DPP10: variants seen among roughly 807,000 people sequenced by gnomAD.
The protein encoded by DPP10 is inactive dipeptidyl peptidase 10.
DPP10 carries 33 observed loss-of-function variants against 120.9 expected under a neutral mutation model. The ratio of observed to expected loss-of-function variants is 0.27; its 90% CI spans 0.21 to 0.37. DPP10 has a LOEUF of 0.37. DPP10 is among the 10% of genes least tolerant of loss of function. DPP10 has a pLI of 1.00. For missense variants in DPP10, 816 were observed against 942.8 expected, an observed-to-expected ratio of 0.87 and a Z score of 1.76; for synonymous variants, 337 against 326.1, an observed-to-expected ratio of 1.03 and a Z score of -0.36.
At chr2:114,881,410 C>A (rs1227154330) in intron 1 of DPP10, among the ~76,000 whole-genome samples, 1 of 152,100 alleles carries the variant, frequency 6.6e-6, no homozygotes, top group African/African-American at 2.4e-5. Context: ...ACCTTATCTA[C>A]CATTTACCTA....
intron 13 of DPP10, among the ~76,000 whole-genome samples, chr2:115,771,091 T>C (rs1180972781): frequency 6.8e-6 from 1 of 147,798 alleles, no homozygotes; most frequent in Non-Finnish European, 1.5e-5. Flanking sequence ...TATTTATTTT[T>C]TGAGACAGAG....
chr2:115,280,730 G>A (rs1202985398), intron 1 of DPP10, among the ~76,000 whole-genome samples: 2 of 152,142 alleles, frequency 1.3e-5, no homozygotes, highest in Non-Finnish European at 2.9e-5. Context: ...TCTATTACAA[G>A]CTATTCTGCT....
intron 1 of DPP10, among the ~76,000 whole-genome samples, chr2:114,903,418 C>T (rs555554026): frequency 3.3e-5 from 5 of 152,204 alleles, no homozygotes; most frequent in Non-Finnish European, 5.9e-5. Flanking sequence ...TAAGAGAGCT[C>T]GTGTTGCTCT....
At chr2:115,028,937 C>G (rs62164487) in intron 1 of DPP10, among the ~76,000 whole-genome samples, 10,539 of 151,988 alleles carry the variant, frequency 0.069, 540 homozygotes, top group Non-Finnish European at 0.093. Flanking sequence ...CACTTTCAGT[C>G]TGTGTGTGTG....
intron 1 of DPP10, among the ~76,000 whole-genome samples, chr2:115,170,490 T>G (rs943044991): frequency 6.6e-6 from 1 of 152,158 alleles, no homozygotes; most frequent in African/African-American, 2.4e-5. Flanking sequence ...TCTGGCAAAA[T>G]TAGTCTATAA....
chr2:114,543,181 G>C (rs185254007), intron 1 of DPP10, among the ~76,000 whole-genome samples: 37 of 152,180 alleles, frequency 2.4e-4, no homozygotes, highest in Non-Finnish European at 4.9e-4. Flanking sequence ...TCATTGTCTT[G>C]GTATCATTAT....
intron 1 of DPP10, among the ~76,000 whole-genome samples, chr2:115,270,706 A>G (rs2059662513): frequency 6.6e-6 from 1 of 152,196 alleles, no homozygotes; most frequent in African/African-American, 2.4e-5. Flanking sequence ...GGCAGCAACT[A>G]TGTGAAACAC....
At chr2:115,021,705 C>CA (rs966625390) in intron 1 of DPP10, among the ~76,000 whole-genome samples, 5 of 151,606 alleles carry the variant, frequency 3.3e-5, no homozygotes, top group African/African-American at 1.2e-4. Context: ...AAGGATGTAA[C>CA]AAAAAAAGAA....
chr2:115,100,014 A>C (rs2048600530), intron 1 of DPP10, among the ~76,000 whole-genome samples: 1 of 152,204 alleles, frequency 6.6e-6, no homozygotes, highest in Non-Finnish European at 1.5e-5. Context: ...AGGCAAATCT[A>C]TTCTTGGTTA....
chr2:114,726,459 G>T (rs1702058136), intron 1 of DPP10, among the ~76,000 whole-genome samples: 1 of 152,116 alleles, frequency 6.6e-6, no homozygotes, highest in African/African-American at 2.4e-5. Flanking sequence ...TTTTGTAGAA[G>T]AAATCCAGGT....
chr2:114,673,166 T>C (rs1363341915), intron 1 of DPP10, among the ~76,000 whole-genome samples: 1 of 152,182 alleles, frequency 6.6e-6, no homozygotes, highest in Non-Finnish European at 1.5e-5. Flanking sequence ...AGTTCCTGTG[T>C]CTGTCAACAC....
chr2:114,486,777 AAAT>A (rs1247168654), intron 1 of DPP10, among the ~76,000 whole-genome samples: 6 of 152,146 alleles, frequency 3.9e-5, no homozygotes, highest in African/African-American at 9.6e-5. Context: ...TGTTTTCCAA[AAAT>A]AATGATGATG....
At chr2:115,019,623 C>T (rs1339985971) in intron 1 of DPP10, among the ~76,000 whole-genome samples, 1 of 152,180 alleles carries the variant, frequency 6.6e-6, no homozygotes, top group Non-Finnish European at 1.5e-5. Flanking sequence ...CTTTCCCAGC[C>T]TTGATAGAGA....
chr2:115,563,935 A>C (rs2149061277), intron 5 of DPP10, among the ~76,000 whole-genome samples: 1 of 152,344 alleles, frequency 6.6e-6, no homozygotes, highest in South Asian at 2.1e-4. Context: ...TAAATGCCTA[A>C]GATTGACATG....
At position 115,814,957 on chromosome 2, in the gene DPP10, T is replaced by C. The variant is rs147663487; in HGVS notation, c.1865T>C (p.Val622Ala). Residue 622 changes from valine (V) to alanine (A), a missense_variant, in exon 20 of 26, where the codon GTA becomes GCA. Transcript: ENST00000410059. ...LQEIHRRLGS[V>A]EVKDQITAVK... ...GAGATTCATCGAAGATTAGGTTCAG[T>C]AGAAGTAAAGGACCAAATAACAGCT... 15 of 1,610,870 alleles carry C rather than the reference T, an allele frequency of 9.3e-6. 1 individual carries two copies. In the African/African-American group the frequency reaches 1.7e-4, roughly 19 times the overall value.
At position 115,230,865 on chromosome 2, in the gene DPP10, T is replaced by A. The variant is rs1043426726; in HGVS notation, c.61-78374T>A. On this transcript the variant is annotated intron_variant, in intron 1 of 25. Coordinates refer to ENST00000410059, the MANE Select transcript of DPP10 (RefSeq NM_020868.6). ...ACAAATTTTTTCAGTCTCTAATATC[T>A]GCAATATCAATCTCAAAGATTGAGA... Among the ~76,000 whole-genome samples, 8 of 152,000 alleles carry A rather than the reference T, an allele frequency of 5.3e-5. No individual in the cohort carries two copies. The East Asian group carries it at 1.4e-3, about 26-fold the overall frequency.
intron 1 of DPP10, among the ~76,000 whole-genome samples, chr2:115,100,603 G>C (rs1311913013): frequency 6.6e-6 from 1 of 151,766 alleles, no homozygotes; most frequent in Admixed American, 6.6e-5. Context: ...TGTATCAATT[G>C]GTCTCTGTTA....
intron 7 of DPP10, among the ~76,000 whole-genome samples, chr2:115,703,758 A>C (rs1395472154): frequency 6.6e-6 from 1 of 152,062 alleles, no homozygotes; most frequent in East Asian, 1.9e-4. Context: ...GTTTTACCAA[A>C]CAAATGGGCA....
At chr2:115,555,559 G>A (rs1229474568) in intron 5 of DPP10, among the ~76,000 whole-genome samples, 2 of 152,018 alleles carry the variant, frequency 1.3e-5, no homozygotes, top group Admixed American at 6.6e-5. Flanking sequence ...TCCTGAGATG[G>A]GAGAAGGGAA....
Sources: allele counts gnomAD v4.1 joint callset (sites outside exome capture counted in the v4.1 genomes callset), GRCh38; gene constraint gnomAD v4.1.1; transcripts MANE v1.5; gene names NCBI Gene and HGNC (gene_info 2026-07-23, HGNC 2026-07-21).